Variants in COL6A5 observed in about 807,000 individuals in gnomAD.
COL6A5 encodes collagen alpha-5(VI) chain.
COL6A5 carries 48 observed loss-of-function variants against 65.6 expected under a neutral mutation model. The ratio of observed to expected loss-of-function variants is 0.73; its 90% CI spans 0.58 to 0.93. COL6A5 has a LOEUF of 0.93. Ranked by LOEUF, COL6A5 falls within the 40% of genes least tolerant of loss-of-function variation. The pLI, the probability that COL6A5 is intolerant of heterozygous loss-of-function variation, is 0.00. For missense variants in COL6A5, 914 were observed against 928.3 expected, an observed-to-expected ratio of 0.98 and a Z score of 0.20; for synonymous variants, 291 against 322.8, an observed-to-expected ratio of 0.90 and a Z score of 1.05.
chr3:130,377,335 C>T (rs575224513), intron 3 of COL6A5, among the ~76,000 whole-genome samples: 64 of 152,304 alleles, frequency 4.2e-4, no homozygotes, highest in Non-Finnish European at 5.6e-4. Flanking sequence ...TGAATTAATA[C>T]GTGAGGATCT....
At chr3:130,418,737 C>T in intron 24 of COL6A5, 132 bp from the exon 25 acceptor site, 2 of 700,350 alleles carry the variant, frequency 2.9e-6, no homozygotes. Context: ...TTGTGCCCTA[C>T]ACTCATCCCC....
Position 130,458,861 on chromosome 3 carries a change from G to C in COL6A5, c.1544+3195G>C, listed in dbSNP as rs73196007. 2.5e-3 allele frequency among the ~76,000 whole-genome samples: 385 copies of C among 152,208 alleles called. 2 individuals are homozygous for C. The highest frequency in any genetic ancestry group is 4.8e-3 in the Non-Finnish European group (325 of 67,990). On this transcript the variant is annotated intron_variant, in intron 5 of 7. Coordinates refer to ENST00000512836, the Ensembl canonical transcript of COL6A5. ...ATATAAAAATCCCTTGCAACATGCA[G>C]TCCCTTCTAATTACTTGCCAACAGA...
intron 7 of COL6A5, chr3:130,477,018 G>A (rs765576301): frequency 5.8e-6 from 7 of 1,198,210 alleles, no homozygotes; most frequent in South Asian, 5.2e-5. Flanking sequence ...TCACTGAGTT[G>A]TACTTTGTCT....
chr3:130,398,001 T>C (rs2107660561), intron 9 of COL6A5, 29 bp from the exon 10 acceptor site: 1 of 1,547,238 alleles, frequency 6.5e-7, no homozygotes, highest in East Asian at 2.4e-5. Flanking sequence ...ATTTAGCTTT[T>C]ACACCATACC....
chr3:130,431,267 G>C (rs1215880444), upstream of COL6A5: 3 of 704,746 alleles, frequency 4.3e-6, no homozygotes, highest in Non-Finnish European at 2.6e-6. Context: ...AAATATTCAT[G>C]CTCTGCATTT....
chr3:130,381,550 C>G (rs1935995921), intron 4 of COL6A5, among the ~76,000 whole-genome samples: 1 of 151,950 alleles, frequency 6.6e-6, no homozygotes, highest in Non-Finnish European at 1.5e-5. Context: ...GAAGGATCTC[C>G]TAGTTAAGAT....
intron 4 of COL6A5, among the ~76,000 whole-genome samples, chr3:130,446,887 A>G (rs2107708861): frequency 6.6e-6 from 1 of 152,266 alleles, no homozygotes; most frequent in South Asian, 2.1e-4. Context: ...GGCTGCAGTT[A>G]GAGTATTATC....
chr3:130,468,985 A>G (rs1302481630), exon 6 of COL6A5: 2 of 1,612,844 alleles, frequency 1.2e-6, no homozygotes, highest in Non-Finnish European at 1.7e-6. Flanking sequence ...CCCCCACTCC[A>G]CTGACCTCCA....
intron 1 of COL6A5, among the ~76,000 whole-genome samples, chr3:130,369,102 G>T (rs1030509253): frequency 2.6e-5 from 4 of 152,120 alleles, no homozygotes; most frequent in African/African-American, 9.7e-5. Flanking sequence ...TCCTGAGTGA[G>T]GGATGCTTAA....
chr3:130,357,996 T>C (rs2107618119), intron 1 of COL6A5, among the ~76,000 whole-genome samples: 1 of 152,116 alleles, frequency 6.6e-6, no homozygotes, highest in East Asian at 1.9e-4. Flanking sequence ...GAGACCATCC[T>C]GGCTAACATG....
intron 5 of COL6A5, among the ~76,000 whole-genome samples, chr3:130,467,138 T>A (rs1269676788): frequency 6.6e-6 from 1 of 152,024 alleles, no homozygotes; most frequent in Non-Finnish European, 1.5e-5. Context: ...ATAATAGTTG[T>A]ACATATTTTT....
At chr3:130,468,536 C>G (rs1709870801) in intron 5 of COL6A5, among the ~76,000 whole-genome samples, 1 of 152,054 alleles carries the variant, frequency 6.6e-6, no homozygotes, top group Non-Finnish European at 1.5e-5. Context: ...TCAGTCCTTT[C>G]ACAAAGATCT....
At chr3:130,377,701 T>C (rs544980283) in intron 3 of COL6A5, among the ~76,000 whole-genome samples, 10 of 152,272 alleles carry the variant, frequency 6.6e-5, no homozygotes, top group African/African-American at 2.4e-4. Flanking sequence ...ACTTAGGACA[T>C]TGAGTCCCTT....
chr3:130,419,876 T>C (rs1182596611), intron 25 of COL6A5, among the ~76,000 whole-genome samples: 2 of 152,046 alleles, frequency 1.3e-5, no homozygotes, highest in Non-Finnish European at 2.9e-5. Context: ...ATATCGTATA[T>C]TTGAAAATTG....
At chr3:130,410,866 G>A (rs565174300) in intron 20 of COL6A5, among the ~76,000 whole-genome samples, 1 of 152,260 alleles carries the variant, frequency 6.6e-6, no homozygotes, top group East Asian at 1.9e-4. Context: ...AATCACCCCT[G>A]GTTGAAACGA....
At chr3:130,462,627 C>A (rs182003407) in intron 5 of COL6A5, among the ~76,000 whole-genome samples, 5 of 152,194 alleles carry the variant, frequency 3.3e-5, no homozygotes, top group Admixed American at 1.3e-4. Flanking sequence ...GGAGAAAACT[C>A]AAGGTCACAA....
chr3:130,381,903 G>A (rs1444620082), intron 4 of COL6A5, among the ~76,000 whole-genome samples: 1 of 152,016 alleles, frequency 6.6e-6, no homozygotes, highest in African/African-American at 2.4e-5. Context: ...ATTGTAAATG[G>A]GAAGATATGG....
exon 12 of COL6A5, chr3:130,401,815 T>A: frequency 6.4e-7 from 1 of 1,551,596 alleles, no homozygotes; most frequent in Non-Finnish European, 8.7e-7. Flanking sequence ...GTCCAGGAAT[T>A]CCAGGACCTC....
chr3:130,377,747 G>T (rs1184142684), intron 3 of COL6A5, among the ~76,000 whole-genome samples: 2 of 152,178 alleles, frequency 1.3e-5, no homozygotes, highest in Non-Finnish European at 2.9e-5. Context: ...TACCTGTAAA[G>T]TGAGGATAAT....
Sources: allele counts gnomAD v4.1 joint callset (sites outside exome capture counted in the v4.1 genomes callset), GRCh38; gene constraint gnomAD v4.1.1; transcripts MANE v1.5; gene names NCBI Gene and HGNC (gene_info 2026-07-23, HGNC 2026-07-21).